CSMD1: variants seen among roughly 807,000 people sequenced by gnomAD.
CSMD1 encodes CUB and Sushi multiple domains 1, also known as CUB and sushi domain-containing protein 1.
CSMD1 carries 213 observed loss-of-function variants against 417.5 expected under a neutral mutation model. That is an observed-to-expected ratio of 0.51 (90% CI 0.46 to 0.57). CSMD1 has a LOEUF of 0.57. Among genes scored for constraint, CSMD1 ranks in the 20% least tolerant of loss-of-function variants. The pLI is 0.00. For missense variants in CSMD1, 6,923 were observed against 4,529.7 expected, an observed-to-expected ratio of 1.53 and a Z score of -15.17; for synonymous variants, 2,862 against 1,736.8, an observed-to-expected ratio of 1.65 and a Z score of -16.11.
chr8:4,158,459 C>G (rs953042188), intron 3 of CSMD1, among the ~76,000 whole-genome samples: 2 of 152,034 alleles, frequency 1.3e-5, no homozygotes, highest in East Asian at 1.9e-4. Context: ...AACAGTAATA[C>G]TAATACAGCC....
At chr8:4,251,768 G>A (rs1393418238) in intron 3 of CSMD1, among the ~76,000 whole-genome samples, 1 of 151,950 alleles carries the variant, frequency 6.6e-6, no homozygotes, top group East Asian at 1.9e-4. Flanking sequence ...GTGTGAGAGT[G>A]ATGCAGGGAT....
At chr8:2,988,452 T>A (rs186162904) in intron 54 of CSMD1, among the ~76,000 whole-genome samples, 2 of 152,292 alleles carry the variant, frequency 1.3e-5, no homozygotes, top group East Asian at 3.9e-4. Context: ...ATGTGAGACC[T>A]GGTAAATCTA....
intron 26 of CSMD1, among the ~76,000 whole-genome samples, chr8:3,274,184 T>C (rs1351820583): frequency 6.6e-6 from 1 of 151,844 alleles, no homozygotes; most frequent in East Asian, 1.9e-4. Context: ...TTTCGTTATG[T>C]ACCCAGTAGT....
At position 4,484,657 on chromosome 8, in the gene CSMD1, C is replaced by T. The variant is rs188111313; in HGVS notation, c.303-64592G>A. 2.2e-3 allele frequency among the ~76,000 whole-genome samples: 331 copies of T among 152,118 alleles called. 2 individuals carry two copies. Among genetic ancestry groups the T allele is most frequent in the Non-Finnish European group, 2.6e-3 (176 of 67,992 alleles). ...TGAGACACATCTTCCTGCATGGTCC[C>T]TACCTGGGAAGATATTGAAAGAGGA... On this transcript the variant is annotated intron_variant, in intron 2 of 69. Coordinates refer to ENST00000635120, the MANE Select transcript of CSMD1 (RefSeq NM_033225.6).
intron 1 of CSMD1, among the ~76,000 whole-genome samples, chr8:4,686,425 C>T (rs1165519713): frequency 1.3e-5 from 2 of 152,180 alleles, no homozygotes; most frequent in Non-Finnish European, 2.9e-5. Context: ...TGCTCTTCTC[C>T]CCCGATGTAG....
At chr8:3,979,661 C>T (rs1813706709) in intron 5 of CSMD1, among the ~76,000 whole-genome samples, 1 of 152,160 alleles carries the variant, frequency 6.6e-6, no homozygotes, top group Non-Finnish European at 1.5e-5. Context: ...TGTGAAGACG[C>T]TGAAAGCAGG....
intron 4 of CSMD1, among the ~76,000 whole-genome samples, chr8:4,012,878 T>C (rs770700687): frequency 1.2e-4 from 18 of 152,164 alleles, no homozygotes; most frequent in Admixed American, 9.2e-4. Flanking sequence ...ATGTCTCTCA[T>C]GTGTCACAAC....
chr8:3,783,632 C>A (rs1799298755), intron 5 of CSMD1, among the ~76,000 whole-genome samples: 1 of 152,216 alleles, frequency 6.6e-6, no homozygotes, highest in South Asian at 2.1e-4. Flanking sequence ...GCAGCTGGTT[C>A]TTCTGCATGT....
At chr8:4,036,663 C>G (rs1190709166) in intron 3 of CSMD1, among the ~76,000 whole-genome samples, 3 of 152,244 alleles carry the variant, frequency 2.0e-5, no homozygotes, top group East Asian at 1.9e-4. Context: ...GGAGAGCATG[C>G]CTGTTCTTTT....
At chr8:3,708,515 T>C (rs758178140) in intron 6 of CSMD1, 24 bp from the exon 7 acceptor site, 1 of 1,606,178 alleles carries the variant, frequency 6.2e-7, no homozygotes. Flanking sequence ...AACCAAGCCA[T>C]TAGCAGGTAA....
chr8:4,977,556 T>A (rs1238847018), intron 1 of CSMD1, among the ~76,000 whole-genome samples: 1 of 152,212 alleles, frequency 6.6e-6, no homozygotes, highest in Non-Finnish European at 1.5e-5. Context: ...CAGCGCACAG[T>A]GGCTGGCTCC....
At chr8:3,249,378 A>G (rs913588131) in intron 26 of CSMD1, among the ~76,000 whole-genome samples, 67 of 152,000 alleles carry the variant, frequency 4.4e-4, no homozygotes, top group African/African-American at 1.5e-3. Flanking sequence ...GCCCACCACC[A>G]CGCTCGGCTA....
chr8:4,890,817 C>G (rs1206335632), intron 1 of CSMD1, among the ~76,000 whole-genome samples: 2 of 152,090 alleles, frequency 1.3e-5, no homozygotes, highest in African/African-American at 4.8e-5. Context: ...ACGCTTTTGT[C>G]GACATTAAGA....
chr8:3,462,163 A>T (rs891801071), intron 12 of CSMD1, among the ~76,000 whole-genome samples: 1 of 151,318 alleles, frequency 6.6e-6, no homozygotes, highest in Admixed American at 6.6e-5. Context: ...CCCACACTGC[A>T]TTTCTTTTCA....
intron 36 of CSMD1, among the ~76,000 whole-genome samples, chr8:3,181,551 G>C (rs1471401513): frequency 6.6e-6 from 1 of 152,090 alleles, no homozygotes; most frequent in East Asian, 1.9e-4. Context: ...TGAACAGAGA[G>C]GAAAGAAAAG....
rs376675870 is a variant in CSMD1, at chr8:2,938,631, G to A, written c.10649C>T (p.Ala3550Val). 40 of 1,612,172 alleles carry A rather than the reference G, an allele frequency of 2.5e-5. No individual in the cohort carries two copies. The African/African-American group carries it at 4.9e-4, about 20-fold the overall frequency. The change falls in exon 70 of 70, where the codon GCT becomes GTT. Residue 3550 changes from alanine to valine, a missense_variant. Physicochemically the swap from Ala to Val is moderately conservative, Grantham distance 64. Transcript: ENST00000635120. ...GTTCAGAGTTGTGTCAAACCTCACA[G>A]CCTTGGCTTCTGTGGGTTTTAAGTT... is the stretch of plus-strand genomic sequence containing the variant. Reference protein sequence around the residue: ...DTNLKPTEAKAVRFDTTLNTV... With the variant: ...DTNLKPTEAKVVRFDTTLNTV...
chr8:3,929,810 T>G (rs1192841456), intron 5 of CSMD1, among the ~76,000 whole-genome samples: 1 of 149,328 alleles, frequency 6.7e-6, no homozygotes, highest in Non-Finnish European at 1.5e-5. Flanking sequence ...TACAGGCACA[T>G]GCCACCATGC....
intron 1 of CSMD1, among the ~76,000 whole-genome samples, chr8:4,835,984 A>G (rs1404529691): frequency 6.6e-6 from 1 of 152,154 alleles, no homozygotes; most frequent in Non-Finnish European, 1.5e-5. Context: ...TTCTAAATGT[A>G]AAATATCCTA....
chr8:4,437,352 G>C (rs912818068), intron 2 of CSMD1, among the ~76,000 whole-genome samples: 20 of 152,100 alleles, frequency 1.3e-4, no homozygotes, highest in African/African-American at 4.3e-4. Context: ...TACATTTTAA[G>C]GTATTGCTAA....
Sources: allele counts gnomAD v4.1 joint callset (sites outside exome capture counted in the v4.1 genomes callset), GRCh38; gene constraint gnomAD v4.1.1; transcripts MANE v1.5; gene names NCBI Gene and HGNC (gene_info 2026-07-23, HGNC 2026-07-21).